PARD3B: variants seen among roughly 807,000 people sequenced by gnomAD.
PARD3B encodes the protein par-3 family cell polarity regulator beta, also known as partitioning defective 3 homolog B.
Under a neutral mutation model 130.2 loss-of-function variants are expected in PARD3B, and 103 were observed. That is an observed-to-expected ratio of 0.79 (90% CI 0.67 to 0.93). The LOEUF (loss-of-function observed/expected upper bound fraction) is 0.93. Ranked by LOEUF, PARD3B falls within the 40% of genes least tolerant of loss-of-function variation. The pLI is 0.00. For synonymous variants in PARD3B, 583 were observed against 553.2 expected (o/e 1.05, Z -0.76); for missense variants, 1,609 against 1,499.2 (o/e 1.07, Z -1.21).
At chr2:204,814,550 T>C (rs1374216645) in intron 2 of PARD3B, among the ~76,000 whole-genome samples, 1 of 151,940 alleles carries the variant, frequency 6.6e-6, no homozygotes, top group Non-Finnish European at 1.5e-5. Flanking sequence ...TCAAATGAGT[T>C]TCATTTTTTT....
chr2:204,981,253 T>C (rs1692642625), intron 3 of PARD3B, among the ~76,000 whole-genome samples: 1 of 152,084 alleles, frequency 6.6e-6, no homozygotes, highest in Non-Finnish European at 1.5e-5. Context: ...CGAGCGTGTA[T>C]ATTCACTGAA....
intron 2 of PARD3B, among the ~76,000 whole-genome samples, chr2:204,759,529 G>C (rs6715851): frequency 0.022 from 3,359 of 152,096 alleles, 132 homozygotes; most frequent in African/African-American, 0.077. Context: ...TGTCATATCA[G>C]TGGTTTTAAA....
intron 18 of PARD3B, among the ~76,000 whole-genome samples, chr2:205,344,188 G>C (rs1433398431): frequency 8.6e-6 from 1 of 116,576 alleles, no homozygotes; most frequent in Non-Finnish European, 1.9e-5. Flanking sequence ...AAATGTGTCA[G>C]TTGGTTTGTG....
At chr2:204,721,892 G>A (rs1163088917) in intron 2 of PARD3B, among the ~76,000 whole-genome samples, 1 of 151,968 alleles carries the variant, frequency 6.6e-6, no homozygotes, top group Non-Finnish European at 1.5e-5. Flanking sequence ...TGTGTTCTTT[G>A]TGACCCTCTA....
chr2:204,948,866 A>T (rs899646842), intron 2 of PARD3B, among the ~76,000 whole-genome samples: 1 of 152,188 alleles, frequency 6.6e-6, no homozygotes, highest in Non-Finnish European at 1.5e-5. Flanking sequence ...GTATTTTTCC[A>T]TGTCTCACAG....
intron 4 of PARD3B, among the ~76,000 whole-genome samples, chr2:205,057,328 GTA>G (rs1300194125): frequency 1.1e-5 from 1 of 90,450 alleles, no homozygotes; most frequent in Admixed American, 1.1e-4. Flanking sequence ...TGTTATATAT[GTA>G]TATGTGTTAT....
At chr2:205,375,258 A>G (rs2044995904) in intron 18 of PARD3B, among the ~76,000 whole-genome samples, 1 of 152,236 alleles carries the variant, frequency 6.6e-6, no homozygotes, top group East Asian at 1.9e-4. Context: ...ACTGTGAAAT[A>G]CAATGTAAAG....
At chr2:205,420,067 C>T (rs2046914349) in intron 19 of PARD3B, among the ~76,000 whole-genome samples, 1 of 152,186 alleles carries the variant, frequency 6.6e-6, no homozygotes, top group Admixed American at 6.5e-5. Flanking sequence ...CACACCTGGT[C>T]CCCTGAGCAT....
intron 15 of PARD3B, among the ~76,000 whole-genome samples, chr2:205,214,904 G>T (rs939164023): frequency 3.9e-5 from 6 of 152,094 alleles, no homozygotes; most frequent in Non-Finnish European, 8.8e-5. Flanking sequence ...ATAATTTAGA[G>T]ATGTTGTTAT....
At chr2:205,034,776 ATAT>A (rs1697682179) in intron 3 of PARD3B, among the ~76,000 whole-genome samples, 1 of 152,190 alleles carries the variant, frequency 6.6e-6, no homozygotes, top group Non-Finnish European at 1.5e-5. Flanking sequence ...GTGAGAAATA[ATAT>A]TAATGATATA....
chr2:205,169,579 T>G (rs1453725248), intron 11 of PARD3B, among the ~76,000 whole-genome samples: 1 of 152,224 alleles, frequency 6.6e-6, no homozygotes, highest in Non-Finnish European at 1.5e-5. Flanking sequence ...TCATATTTCC[T>G]TCCCTCCATC....
At chr2:204,977,150 A>G (rs1264200970) in intron 3 of PARD3B, among the ~76,000 whole-genome samples, 1 of 152,212 alleles carries the variant, frequency 6.6e-6, no homozygotes, top group Non-Finnish European at 1.5e-5. Context: ...TATAATTACC[A>G]CAAAGGTTTC....
At chr2:204,841,468 C>A (rs2044257636) in intron 2 of PARD3B, among the ~76,000 whole-genome samples, 3 of 151,662 alleles carry the variant, frequency 2.0e-5, no homozygotes, top group Admixed American at 2.0e-4. Context: ...ACAAATGCCC[C>A]TGTTGTGTCT....
intron 3 of PARD3B, among the ~76,000 whole-genome samples, chr2:205,047,141 T>C (rs1026519518): frequency 8.5e-5 from 13 of 152,212 alleles, no homozygotes; most frequent in Non-Finnish European, 5.9e-5. Flanking sequence ...ATATCATCAT[T>C]CAAAAGATTT....
At chr2:205,129,215 C>A (rs954647740) in intron 10 of PARD3B, among the ~76,000 whole-genome samples, 1 of 152,196 alleles carries the variant, frequency 6.6e-6, no homozygotes, top group Admixed American at 6.5e-5. Flanking sequence ...GGTTTATAAG[C>A]ACCTAAGTCA....
chr2:205,041,207 C>T (rs1349211636), intron 3 of PARD3B, among the ~76,000 whole-genome samples: 1 of 152,100 alleles, frequency 6.6e-6, no homozygotes, highest in Non-Finnish European at 1.5e-5. Context: ...TCATTATCAG[C>T]TTCATATTCA....
chr2:204,591,429 G>A (rs2033069632), intron 1 of PARD3B, among the ~76,000 whole-genome samples: 1 of 152,180 alleles, frequency 6.6e-6, no homozygotes, highest in Non-Finnish European at 1.5e-5. Context: ...TTTTCCAGAT[G>A]GCTGCATGCC....
At chr2:205,218,112 C>T (rs1164204094) in intron 15 of PARD3B, among the ~76,000 whole-genome samples, 1 of 151,516 alleles carries the variant, frequency 6.6e-6, no homozygotes, top group South Asian at 2.1e-4. Flanking sequence ...AGGCTGGTCT[C>T]GAACTCCTGA....
intron 1 of PARD3B, among the ~76,000 whole-genome samples, chr2:204,655,862 C>T (rs1336367279): frequency 6.6e-6 from 1 of 152,034 alleles, no homozygotes; most frequent in Admixed American, 6.6e-5. Context: ...ACTCATTTGT[C>T]CACGGTTAGC....
Sources: allele counts gnomAD v4.1 joint callset (sites outside exome capture counted in the v4.1 genomes callset), GRCh38; gene constraint gnomAD v4.1.1; transcripts MANE v1.5; gene names NCBI Gene and HGNC (gene_info 2026-07-23, HGNC 2026-07-21).